The following POMT2 variants were observed in gnomAD, a reference collection of about 807,000 sequenced individuals.
POMT2 encodes protein O-mannosyl-transferase 2.
In POMT2, 75 loss-of-function variants were observed where a neutral mutation model predicts 100.0. That is an observed-to-expected ratio of 0.75 (90% CI 0.62 to 0.91). The LOEUF is 0.91. Ranked by LOEUF, POMT2 falls within the 40% of genes least tolerant of loss-of-function variation. The pLI is 0.00. For missense variants in POMT2, 940 were observed against 955.1 expected, an observed-to-expected ratio of 0.98 and a Z score of 0.21; for synonymous variants, 378 against 374.1, an observed-to-expected ratio of 1.01 and a Z score of -0.12.
chr14:77,301,368 G>T, intron 5 of POMT2, 119 bp from the exon 6 acceptor site: 1 of 1,343,026 alleles, frequency 7.4e-7, no homozygotes, highest in Non-Finnish European at 1.0e-6. Flanking sequence ...TGTCTTGGGG[G>T]CTCTTAGCCT....
chr14:77,278,451 A>G lies in POMT2; in HGVS notation c.2090T>C (p.Leu697Pro), dbSNP rs1038933045. 4 of 1,505,192 alleles carry G rather than the reference A, an allele frequency of 2.7e-6. No homozygotes were observed. In the East Asian group the frequency reaches 7.3e-5, roughly 28 times the overall value. 93.2% of individuals were successfully genotyped at this position (1,505,192 alleles called of 1,614,324 possible). ...LCAWGLASWPLARGIHVAGIL... is the reference protein window; with the variant it reads ...LCAWGLASWPPARGIHVAGIL... ...TCCCGCCACATGTATGCCCCTCGCC[A>G]GGGGCCATGAGGCCAAGCCCCAGGC... Residue 697 changes from leucine (L) to proline (P), a missense_variant, in exon 20 of 21, where the codon CTG becomes CCG. Coordinates refer to ENST00000261534, the MANE Select transcript of POMT2 (RefSeq NM_013382.7).
Position 77,276,319 on chromosome 14 carries a change from G to C in POMT2, c.*1057C>G, listed in dbSNP as rs966554635. 6.5e-6 allele frequency: 1 copy of C among 152,708 alleles called. No homozygotes were observed. The highest frequency in any genetic ancestry group is 2.4e-5 in the African/African-American group (1 of 41,460). 9.5% of individuals were successfully genotyped at this position (152,708 alleles called of 1,614,324 possible). A position where few individuals can be genotyped will look rare whatever the true frequency, so the allele number is the denominator to read the frequency against. On this transcript the variant is annotated 3_prime_UTR_variant, in exon 21 of 21. Transcript: ENST00000261534. Reference sequence around the variant, plus strand: ...GACAGAGAGAAAGGGAATTGCCCACGGAGTGAGGGAGGGGTGAGCAGAGGA... The same window carrying C: ...GACAGAGAGAAAGGGAATTGCCCACCGAGTGAGGGAGGGGTGAGCAGAGGA...
In POMT2 at chr14:77,277,176, T is replaced by G. The variant is rs974457866; in HGVS notation, c.*200A>C. On this transcript the variant is annotated 3_prime_UTR_variant, in exon 21 of 21. Coordinates refer to ENST00000261534, the MANE Select transcript of POMT2 (RefSeq NM_013382.7). ...AGGCGCTGTCCTCTCCGTGGTGCTGTGGACGGAGCTGCGGCTCTCTCCCGG... is the reference window on the plus strand; with the variant it reads ...AGGCGCTGTCCTCTCCGTGGTGCTGGGGACGGAGCTGCGGCTCTCTCCCGG... 1 of 605,320 alleles carries G rather than the reference T, an allele frequency of 1.7e-6. No homozygotes were observed. Among genetic ancestry groups the G allele is most frequent in the Non-Finnish European group, 3.0e-6 (1 of 333,618 alleles). The allele number at this position is 605,320 out of a possible 1,614,324, so 37.5% of individuals were successfully genotyped here. A position where few individuals can be genotyped will look rare whatever the true frequency, so the allele number is the denominator to read the frequency against.
Position 77,320,552 on chromosome 14 carries a change from G to A in POMT2, c.130C>T (p.Arg44Trp). The change falls in exon 1 of 21, where the codon CGG (arginine) becomes TGG (tryptophan). Residue 44 changes from arginine to tryptophan, a missense_variant. Coordinates refer to ENST00000261534, the MANE Select transcript of POMT2 (RefSeq NM_013382.7). ...AAEAVARSPK[R>W]PAWGSRRFEA... is the part of the protein sequence containing the mutation. ...AAGCGCCGTGAGCCCCAAGCAGGCC[G>A]TTTGGGGCTTCGCGCCACAGCCTCA... 6.4e-7 allele frequency: 1 copy of A among 1,567,220 alleles called. No individual in the cohort carries two copies. The highest frequency in any genetic ancestry group is 8.6e-7 in the Non-Finnish European group (1 of 1,162,834).
rs1173036217 is a variant in POMT2, at chr14:77,278,401, C to A, written c.2140G>T (p.Ala714Ser). The change falls in exon 20 of 21, where the codon GCC (alanine) becomes TCC (serine). Residue 714 changes from alanine to serine, a missense_variant. Ala to Ser is a moderately conservative substitution (Grantham distance 99). Transcript: ENST00000261534. Reference protein sequence around the residue: ...AGILSLLLGTAYSFYLFHPLA... With the variant: ...AGILSLLLGTSYSFYLFHPLA... ...AGGTGCAGAGATGCTCACCTGTAGGCAGTTCCCAGGAGCAGGCTCAGGATT... is the reference window on the plus strand; with the variant it reads ...AGGTGCAGAGATGCTCACCTGTAGGAAGTTCCCAGGAGCAGGCTCAGGATT... 2 of 1,465,984 alleles carry A rather than the reference C, an allele frequency of 1.4e-6. No individual in the cohort carries two copies. Among genetic ancestry groups the A allele is most frequent in the Non-Finnish European group, 1.9e-6 (2 of 1,069,782 alleles). The allele number at this position is 1,465,984 out of a possible 1,614,324, so 90.8% of individuals were successfully genotyped here.
intron 14 of POMT2, chr14:77,284,137 T>A (rs1228948042): frequency 1.9e-5 from 9 of 484,130 alleles, no homozygotes; most frequent in Non-Finnish European, 3.0e-5. Context: ...CACCATTGCT[T>A]TTCACTGTGG....
intron 15 of POMT2, 62 bp from the exon 16 acceptor site, chr14:77,280,525 G>A: frequency 6.2e-7 from 1 of 1,611,966 alleles, no homozygotes; most frequent in Non-Finnish European, 8.5e-7. Context: ...ACAGAAATGT[G>A]GGGCCCAGGT....
intron 9 of POMT2, chr14:77,291,581 T>C: frequency 4.4e-6 from 3 of 678,038 alleles, no homozygotes; most frequent in South Asian, 3.8e-5. Flanking sequence ...TCCTTCCTTC[T>C]GCATTTAGAA....
intron 1 of POMT2, among the ~76,000 whole-genome samples, chr14:77,316,622 T>C (rs1401984198): frequency 6.7e-6 from 1 of 150,292 alleles, no homozygotes; most frequent in African/African-American, 2.5e-5. Context: ...AGAGGCATCT[T>C]GGTTTTACGT....
At chr14:77,282,895 C>G (rs913694504) in intron 15 of POMT2, among the ~76,000 whole-genome samples, 1 of 152,206 alleles carries the variant, frequency 6.6e-6, no homozygotes, top group South Asian at 2.1e-4. Flanking sequence ...AATCACATAT[C>G]TGGCTTGAGA....
intron 2 of POMT2, among the ~76,000 whole-genome samples, chr14:77,309,925 A>G (rs982265846): frequency 4.6e-5 from 7 of 152,024 alleles, no homozygotes; most frequent in African/African-American, 1.7e-4. Flanking sequence ...TGATCTGCCC[A>G]CCTCAGCCTC....
intron 9 of POMT2, 117 bp downstream of exon 9, chr14:77,296,047 G>A: frequency 1.2e-6 from 1 of 855,984 alleles, no homozygotes; most frequent in South Asian, 1.4e-5. Context: ...AGGGTGCAGG[G>A]CTAGGAAGAA....
chr14:77,307,915 T>C (rs966098878), intron 2 of POMT2, among the ~76,000 whole-genome samples: 2 of 136,776 alleles, frequency 1.5e-5, no homozygotes, highest in Admixed American at 8.2e-5. Flanking sequence ...CAGGCTGGAG[T>C]GCGGTGGCAC....
At position 77,301,158 on chromosome 14, in the gene POMT2, T is replaced by A; in HGVS notation, c.748A>T (p.Ile250Phe). ...LGVKFVGLFI[I>F]LQVGLNTIAD... ...ATGGTGTTCAGCCCCACTTGAAGGATGATAAAGAGGCCAACAAACTTGACC... is the reference window on the plus strand; with the variant it reads ...ATGGTGTTCAGCCCCACTTGAAGGAAGATAAAGAGGCCAACAAACTTGACC... Residue 250 changes from isoleucine to phenylalanine, a missense_variant, in exon 6 of 21, where the codon ATC becomes TTC. Ile to Phe is a conservative substitution (Grantham distance 21). Transcript: ENST00000261534. 6.2e-7 allele frequency: 1 copy of A among 1,614,172 alleles called. No homozygotes were observed. The highest frequency in any genetic ancestry group is 1.1e-5 in the South Asian group (1 of 91,082).
intron 2 of POMT2, among the ~76,000 whole-genome samples, chr14:77,310,210 C>T (rs983482586): frequency 8.5e-5 from 13 of 152,128 alleles, no homozygotes; most frequent in African/African-American, 3.1e-4. Context: ...AGGAGTGAGC[C>T]AAGGCAAGCT....
At chr14:77,308,614 C>T in intron 2 of POMT2, 1 of 303,608 alleles carries the variant, frequency 3.3e-6, no homozygotes, top group Non-Finnish European at 6.4e-6. Flanking sequence ...CCTCGGCTTC[C>T]CAATGTGCTG....
intron 2 of POMT2, among the ~76,000 whole-genome samples, chr14:77,311,444 A>G (rs1208193272): frequency 5.9e-5 from 9 of 152,226 alleles, no homozygotes; most frequent in Admixed American, 5.9e-4. Context: ...ATTCTGTAAC[A>G]TGTCATCACC....
intron 10 of POMT2, among the ~76,000 whole-genome samples, chr14:77,290,075 T>C (rs1890582359): frequency 6.6e-6 from 1 of 152,156 alleles, no homozygotes; most frequent in South Asian, 2.1e-4. Flanking sequence ...GGAGGTTTTA[T>C]TTCATATGCA....
intron 10 of POMT2, among the ~76,000 whole-genome samples, chr14:77,289,499 G>A (rs1327510081): frequency 1.3e-5 from 2 of 152,182 alleles, no homozygotes; most frequent in African/African-American, 4.8e-5. Context: ...ATGAACGAGT[G>A]TGGCCAGACT....
Sources: allele counts gnomAD v4.1 joint callset (sites outside exome capture counted in the v4.1 genomes callset), GRCh38; gene constraint gnomAD v4.1.1; transcripts MANE v1.5; gene names NCBI Gene and HGNC (gene_info 2026-07-23, HGNC 2026-07-21).